The following GPC5 variants were observed in gnomAD, a reference collection of about 807,000 sequenced individuals.
GPC5 encodes the protein glypican-5.
In GPC5, 47 loss-of-function variants were observed where a neutral mutation model predicts 53.9. The ratio of observed to expected loss-of-function variants is 0.87; its 90% confidence interval spans 0.69 to 1.11. The LOEUF is 1.11. GPC5 is among the 50% of genes most tolerant of loss of function. The probability of loss-of-function intolerance (pLI) is 0.00; values close to 1 mark genes in which losing one functional copy is unlikely to be tolerated. For synonymous variants in GPC5, 286 were observed against 263.3 expected (o/e 1.09, Z -0.84); for missense variants, 748 against 713.1 (o/e 1.05, Z -0.56).
chr13:91,981,920 A>AT (rs1234330496), intron 6 of GPC5, among the ~76,000 whole-genome samples: 1 of 152,210 alleles, frequency 6.6e-6, no homozygotes, highest in Non-Finnish European at 1.5e-5. Flanking sequence ...TAAACAGGGA[A>AT]TGATGAGAGG....
chr13:91,572,404 GAAA>G (rs2031963025), intron 2 of GPC5, among the ~76,000 whole-genome samples: 1 of 151,770 alleles, frequency 6.6e-6, no homozygotes, highest in Admixed American at 6.6e-5. Context: ...GATCTATAAA[GAAA>G]AAAGGTTTAT....
At chr13:91,541,073 G>A (rs1410904489) in intron 2 of GPC5, among the ~76,000 whole-genome samples, 1 of 152,042 alleles carries the variant, frequency 6.6e-6, no homozygotes, top group Non-Finnish European at 1.5e-5. Flanking sequence ...CCTAATTTTT[G>A]TGTTTAAATG....
At chr13:91,838,616 T>C (rs2138867712) in intron 5 of GPC5, among the ~76,000 whole-genome samples, 1 of 152,008 alleles carries the variant, frequency 6.6e-6, no homozygotes, top group Middle Eastern at 3.4e-3. Flanking sequence ...CAGCCTGGAA[T>C]AGATGAAAAG....
chr13:92,035,446 T>G (rs1436824144), intron 6 of GPC5, among the ~76,000 whole-genome samples: 1 of 152,166 alleles, frequency 6.6e-6, no homozygotes, highest in Non-Finnish European at 1.5e-5. Flanking sequence ...TTGTTAACTG[T>G]CTTGTCCCAA....
chr13:92,081,685 A>G (rs1209387930), intron 6 of GPC5, among the ~76,000 whole-genome samples: 2 of 152,220 alleles, frequency 1.3e-5, no homozygotes, highest in Admixed American at 1.3e-4. Flanking sequence ...TCGATATTTT[A>G]TATGTGATTC....
At chr13:92,801,066 T>C (rs1163878280) in intron 7 of GPC5, among the ~76,000 whole-genome samples, 2 of 151,622 alleles carry the variant, frequency 1.3e-5, no homozygotes, top group Non-Finnish European at 2.9e-5. Context: ...GGTAACAAAT[T>C]AGGTATAAAA....
chr13:91,638,371 T>C (rs544785555), intron 2 of GPC5, among the ~76,000 whole-genome samples: 1 of 152,210 alleles, frequency 6.6e-6, no homozygotes, highest in East Asian at 1.9e-4. Flanking sequence ...TTTTCTTTTT[T>C]TTTTCTTTTT....
At chr13:91,615,103 C>A (rs1156243300) in intron 2 of GPC5, among the ~76,000 whole-genome samples, 1 of 152,140 alleles carries the variant, frequency 6.6e-6, no homozygotes, top group African/African-American at 2.4e-5. Context: ...GGATTACAAA[C>A]AACTGCACAA....
chr13:91,549,434 A>G (rs2030495387), intron 2 of GPC5, among the ~76,000 whole-genome samples: 2 of 152,190 alleles, frequency 1.3e-5, no homozygotes, highest in African/African-American at 4.8e-5. Flanking sequence ...CCCTTCTCTG[A>G]AAAAGATGAT....
At chr13:91,955,519 C>A (rs1219360441) in intron 6 of GPC5, among the ~76,000 whole-genome samples, 2 of 151,932 alleles carry the variant, frequency 1.3e-5, no homozygotes, top group African/African-American at 4.8e-5. Context: ...AAGAGGGAAG[C>A]AAGGCAGCCT....
intron 6 of GPC5, among the ~76,000 whole-genome samples, chr13:92,132,074 A>C (rs2041748937): frequency 6.6e-6 from 1 of 152,174 alleles, no homozygotes; most frequent in Non-Finnish European, 1.5e-5. Context: ...AATAGAATAA[A>C]ATACAGCAAT....
At chr13:91,745,238 T>C (rs1264508124) in intron 4 of GPC5, among the ~76,000 whole-genome samples, 2 of 152,134 alleles carry the variant, frequency 1.3e-5, no homozygotes, top group Admixed American at 6.6e-5. Flanking sequence ...AGGAGGATGC[T>C]TTCAGAAAGG....
intron 5 of GPC5, among the ~76,000 whole-genome samples, chr13:91,873,385 A>C (rs2039168632): frequency 6.6e-6 from 1 of 152,048 alleles, no homozygotes; most frequent in South Asian, 2.1e-4. Context: ...TCCCCGCCCA[A>C]ATCTCATCTT....
chr13:92,082,550 C>T (rs1352180443), intron 6 of GPC5, among the ~76,000 whole-genome samples: 1 of 152,062 alleles, frequency 6.6e-6, no homozygotes, highest in African/African-American at 2.4e-5. Flanking sequence ...TAACATTCTA[C>T]GAAGAAAATT....
chr13:91,504,761 C>T (rs187415353), intron 2 of GPC5, among the ~76,000 whole-genome samples: 39 of 152,042 alleles, frequency 2.6e-4, no homozygotes, highest in African/African-American at 8.9e-4. Context: ...AGTTTGAAAC[C>T]AGCCTGGACA....
At chr13:91,597,993 T>TA (rs941093962) in intron 2 of GPC5, among the ~76,000 whole-genome samples, 3 of 152,246 alleles carry the variant, frequency 2.0e-5, no homozygotes, top group Middle Eastern at 3.4e-3. Flanking sequence ...GAACACTTTG[T>TA]AAAAAACATC....
chr13:92,404,821 C>A (rs1378161655), intron 7 of GPC5, among the ~76,000 whole-genome samples: 1 of 149,518 alleles, frequency 6.7e-6, no homozygotes, highest in African/African-American at 2.5e-5. Flanking sequence ...AAATATATTA[C>A]CCCTAAGTAT....
intron 2 of GPC5, among the ~76,000 whole-genome samples, chr13:91,526,867 G>A (rs1594209824): frequency 6.6e-6 from 1 of 152,186 alleles, no homozygotes; most frequent in East Asian, 1.9e-4. Flanking sequence ...AGGAGAGAGA[G>A]AGAGCACAGG....
chr13:92,063,289 A>G (rs1426740538), intron 6 of GPC5, among the ~76,000 whole-genome samples: 5 of 152,124 alleles, frequency 3.3e-5, no homozygotes, highest in Admixed American at 2.6e-4. Context: ...GGTTTACATC[A>G]TTATTAATAA....
Sources: gnomAD v4.1 joint callset for allele counts (sites outside exome capture counted in the v4.1 genomes callset) on GRCh38, gnomAD v4.1.1 for gene constraint, MANE v1.5 for transcripts, NCBI Gene and HGNC (gene_info 2026-07-23, HGNC 2026-07-21) for gene names.